Variants in CCSER1 observed in about 807,000 individuals in gnomAD.
CCSER1 encodes coiled-coil serine rich protein 1.
Under a neutral mutation model 82.0 loss-of-function variants are expected in CCSER1, and 41 were observed. The ratio of observed to expected loss-of-function variants is 0.50; its 90% CI spans 0.39 to 0.65. CCSER1 has a LOEUF of 0.65. CCSER1 is among the 30% of genes least tolerant of loss of function. The probability of loss-of-function intolerance (pLI) is 0.00; values close to 1 mark genes in which losing one functional copy is unlikely to be tolerated. For missense variants in CCSER1, 1,119 were observed against 1,064.2 expected, an observed-to-expected ratio of 1.05 and a Z score of -0.72; for synonymous variants, 414 against 383.9, an observed-to-expected ratio of 1.08 and a Z score of -0.92.
chr4:91,056,659 A>AT lies in CCSER1; in HGVS notation c.2173-29285dup, dbSNP rs542440425. Among the ~76,000 whole-genome samples, 35 of 152,252 alleles carry AT rather than the reference A, an allele frequency of 2.3e-4. No individual in the cohort carries two copies. In the East Asian group the frequency reaches 6.2e-3, roughly 27 times the overall value. On this transcript the variant is annotated intron_variant, in intron 9 of 10. Transcript: ENST00000509176. ...TCAGATCATAGCATAAGCCTGTTGA[A>AT]TTTTTTGTGAAAACTGTGCGTCTAA...
At chr4:90,914,000 C>T (rs1177889011) in intron 8 of CCSER1, among the ~76,000 whole-genome samples, 1 of 152,182 alleles carries the variant, frequency 6.6e-6, no homozygotes, top group Non-Finnish European at 1.5e-5. Flanking sequence ...AAAGCAAGTC[C>T]TTGGAGACCT....
Position 90,703,984 on chromosome 4 carries a change from G to C in CCSER1, c.1933-19930G>C, listed in dbSNP as rs149579548. 1.6e-3 allele frequency among the ~76,000 whole-genome samples: 236 copies of C among 152,192 alleles called. 2 individuals are homozygous for C. The East Asian group carries it at 0.019, about 12-fold the overall frequency. Reference sequence around the variant, plus strand: ...TTTAGCCCATTTCCATTTAAGGTTAGTATTGTTATGTGTGAATTTGATCCT... The same window carrying C: ...TTTAGCCCATTTCCATTTAAGGTTACTATTGTTATGTGTGAATTTGATCCT... On this transcript the variant is annotated intron_variant, in intron 6 of 10. Coordinates refer to ENST00000509176, the MANE Select transcript of CCSER1 (RefSeq NM_001145065.2).
At chr4:91,005,584 T>G (rs974382235) in intron 9 of CCSER1, among the ~76,000 whole-genome samples, 2 of 152,216 alleles carry the variant, frequency 1.3e-5, no homozygotes, top group African/African-American at 4.8e-5. Context: ...TAAAAAATGT[T>G]TAAGTAAGTA....
At chr4:90,669,586 T>A (rs1385482884) in intron 6 of CCSER1, among the ~76,000 whole-genome samples, 1 of 152,044 alleles carries the variant, frequency 6.6e-6, no homozygotes, top group Non-Finnish European at 1.5e-5. Context: ...TATAACTTGG[T>A]AGAGGAAGGT....
At chr4:90,958,101 A>G (rs531090906) in intron 9 of CCSER1, among the ~76,000 whole-genome samples, 2 of 152,284 alleles carry the variant, frequency 1.3e-5, no homozygotes, top group South Asian at 2.1e-4. Context: ...AGATATTTTG[A>G]AAATTTATTT....
intron 10 of CCSER1, among the ~76,000 whole-genome samples, chr4:91,320,705 CTT>C (rs775368692): frequency 1.3e-5 from 2 of 151,976 alleles, no homozygotes; most frequent in South Asian, 2.1e-4. Context: ...CAGGTGATGA[CTT>C]ATAAAATGGG....
At chr4:90,344,201 T>A (rs1457297447) in intron 3 of CCSER1, among the ~76,000 whole-genome samples, 1 of 152,224 alleles carries the variant, frequency 6.6e-6, no homozygotes, top group African/African-American at 2.4e-5. Flanking sequence ...CCATCCATGT[T>A]GTTCCAGATG....
At chr4:90,440,255 T>C (rs531758769) in intron 4 of CCSER1, among the ~76,000 whole-genome samples, 4 of 152,266 alleles carry the variant, frequency 2.6e-5, no homozygotes. Context: ...TCCTCCTGTC[T>C]CCACTTCCCA....
chr4:90,314,435 A>G (rs926372421), intron 3 of CCSER1, among the ~76,000 whole-genome samples: 1 of 152,172 alleles, frequency 6.6e-6, no homozygotes, highest in African/African-American at 2.4e-5. Context: ...TTCTTCATGG[A>G]GAGGCATTTA....
chr4:91,010,646 A>T (rs1322748091), intron 9 of CCSER1, among the ~76,000 whole-genome samples: 2 of 134,900 alleles, frequency 1.5e-5, no homozygotes, highest in East Asian at 4.7e-4. Context: ...ATTTTACATG[A>T]TGTATCTTCA....
At chr4:91,587,218 A>G (rs777860646) in intron 10 of CCSER1, among the ~76,000 whole-genome samples, 5 of 151,704 alleles carry the variant, frequency 3.3e-5, no homozygotes, top group African/African-American at 4.8e-5. Context: ...AGAGATAACT[A>G]CCACCTCTGT....
intron 10 of CCSER1, among the ~76,000 whole-genome samples, chr4:91,588,039 T>C (rs1764088207): frequency 6.6e-6 from 1 of 151,692 alleles, no homozygotes; most frequent in Admixed American, 6.6e-5. Context: ...ACAATTATTT[T>C]AGATCTTTGC....
chr4:90,235,375 A>G (rs1471685049), intron 1 of CCSER1: 1 of 152,236 alleles, frequency 6.6e-6, no homozygotes, highest in African/African-American at 2.4e-5. Context: ...ATCTGGGACA[A>G]CTGGCCTTGA....
intron 1 of CCSER1, among the ~76,000 whole-genome samples, chr4:90,167,250 C>T (rs913190799): frequency 1.3e-5 from 2 of 151,956 alleles, no homozygotes; most frequent in Non-Finnish European, 2.9e-5. Flanking sequence ...TAGTTACATC[C>T]TAAATATATT....
At chr4:91,465,973 A>G (rs549526703) in intron 10 of CCSER1, among the ~76,000 whole-genome samples, 69 of 152,298 alleles carry the variant, frequency 4.5e-4, no homozygotes, top group African/African-American at 1.5e-3. Context: ...AATCCATAGA[A>G]AAAGAGGGGA....
intron 10 of CCSER1, among the ~76,000 whole-genome samples, chr4:91,162,580 G>T (rs1731539717): frequency 6.6e-6 from 1 of 152,184 alleles, no homozygotes. Flanking sequence ...TTGGTTGCTA[G>T]GCTCTTAATT....
chr4:91,339,135 A>G (rs1747525970), intron 10 of CCSER1, among the ~76,000 whole-genome samples: 1 of 152,150 alleles, frequency 6.6e-6, no homozygotes, highest in African/African-American at 2.4e-5. Flanking sequence ...GAATTTTGGT[A>G]TAGGAAACTC....
chr4:90,700,565 C>G (rs1580006458), intron 6 of CCSER1, among the ~76,000 whole-genome samples: 1 of 152,216 alleles, frequency 6.6e-6, no homozygotes, highest in Non-Finnish European at 1.5e-5. Context: ...AATTGCCACA[C>G]TGTCTTCCAC....
intron 10 of CCSER1, among the ~76,000 whole-genome samples, chr4:91,249,364 A>G (rs149155511): frequency 1.1e-3 from 173 of 151,818 alleles, no homozygotes; most frequent in African/African-American, 3.9e-3. Flanking sequence ...ATGTGACTAC[A>G]AAAGAAAATA....
Sources: gnomAD v4.1 joint callset for allele counts (sites outside exome capture counted in the v4.1 genomes callset) on GRCh38, gnomAD v4.1.1 for gene constraint, MANE v1.5 for transcripts, NCBI Gene and HGNC (gene_info 2026-07-23, HGNC 2026-07-21) for gene names.